EDDM13: variants seen among roughly 807,000 people sequenced by gnomAD.
EDDM13 encodes the protein epididymal protein 13.
Under a neutral mutation model 17.8 loss-of-function variants are expected in EDDM13, and 24 were observed. The ratio of observed to expected loss-of-function variants is 1.35; its 90% CI spans 0.98 to 1.90. The LOEUF (loss-of-function observed/expected upper bound fraction) is 1.90. EDDM13 is among the 40% of genes most tolerant of loss of function. The pLI is 0.00. For synonymous variants in EDDM13, 31 were observed against 37.5 expected (o/e 0.83, Z 0.63); for missense variants, 97 against 100.8 (o/e 0.96, Z 0.16).
intron 2 of EDDM13, among the ~76,000 whole-genome samples, chr19:56,281,231 G>A (rs2038673827): frequency 6.6e-6 from 1 of 152,148 alleles, no homozygotes; most frequent in Non-Finnish European, 1.5e-5. Flanking sequence ...AGGCTGACCA[G>A]AAGAAGGAAG....
chr19:56,274,870 T>G (rs921526642), intron 1 of EDDM13: 1 of 152,214 alleles, frequency 6.6e-6, no homozygotes, highest in African/African-American at 2.4e-5. Context: ...GTCCTTAGGA[T>G]GTGTGATTGA....
chr19:56,300,254 A>T lies in EDDM13; in HGVS notation c.296-1714A>T, dbSNP rs28715006. Among the ~76,000 whole-genome samples the T allele has an allele frequency of 7.2e-3, 1,098 of 152,326 alleles. 13 individuals carry two copies. Among genetic ancestry groups the T allele is most frequent in the African/African-American group, 0.025 (1,036 of 41,560 alleles). ...AAAAAAAAATTTCACCCTTTTATAT[A>T]GCCAAGCAGATACAACTTATTACAT... On this transcript the variant is annotated intron_variant, in intron 12 of 14. Coordinates refer to ENST00000649256, the MANE Select transcript of EDDM13 (RefSeq NM_001354658.2).
rs532732472 is a variant in EDDM13 at position 56,290,851 on chromosome 19, G to C, written c.232+5G>C. Among the ~76,000 whole-genome samples, 9 of 152,312 alleles carry C rather than the reference G, an allele frequency of 5.9e-5. No individual in the cohort carries two copies. Among genetic ancestry groups the C allele is most frequent in the Non-Finnish European group, 1.5e-5 (1 of 68,026 alleles). ...TGCTACTTCCTCCAGTAAAAAGTAAGTTATTTTTCCTTTCCTATGGGTCAC... is the reference window on the plus strand; with the variant it reads ...TGCTACTTCCTCCAGTAAAAAGTAACTTATTTTTCCTTTCCTATGGGTCAC... On this transcript the variant is annotated splice_donor_5th_base_variant and intron_variant, in intron 9 of 14. Coordinates refer to ENST00000649256, the MANE Select transcript of EDDM13 (RefSeq NM_001354658.2).
chr19:56,277,101 G>A (rs749361160), intron 2 of EDDM13, among the ~76,000 whole-genome samples: 18 of 152,164 alleles, frequency 1.2e-4, no homozygotes, highest in Non-Finnish European at 2.1e-4. Flanking sequence ...GTGGGAATGT[G>A]AAATGATACA....
intron 6 of EDDM13, among the ~76,000 whole-genome samples, chr19:56,288,178 G>C (rs2039265352): frequency 6.6e-6 from 1 of 152,166 alleles, no homozygotes; most frequent in African/African-American, 2.4e-5. Flanking sequence ...ACAGGGGTCT[G>C]CCTCACTGAG....
intron 9 of EDDM13, among the ~76,000 whole-genome samples, chr19:56,292,460 T>TC (rs1045326602): frequency 6.8e-6 from 1 of 146,866 alleles, no homozygotes; most frequent in African/African-American, 2.5e-5. Context: ...TGTTTTTACT[T>TC]TTTTTTTTTT....
intron 14 of EDDM13, among the ~76,000 whole-genome samples, 200 bp downstream of exon 14, chr19:56,305,030 T>C (rs555887564): frequency 2.0e-5 from 3 of 152,272 alleles, no homozygotes; most frequent in South Asian, 2.1e-4. Flanking sequence ...AGGAAACACA[T>C]TGTAAATGAC....
intron 9 of EDDM13, among the ~76,000 whole-genome samples, chr19:56,293,529 T>G (rs1165188073): frequency 6.6e-6 from 1 of 152,184 alleles, no homozygotes; most frequent in East Asian, 1.9e-4. Flanking sequence ...GAGTGTGCAC[T>G]GTGGGCGCCG....
chr19:56,295,411 T>C (rs1387398704), intron 9 of EDDM13, among the ~76,000 whole-genome samples: 1 of 151,986 alleles, frequency 6.6e-6, no homozygotes. Flanking sequence ...CTGGCCAACG[T>C]GGTGAAACCT....
At position 56,297,509 on chromosome 19, in the gene EDDM13, A is replaced by G. The variant is rs2039956466; in HGVS notation, c.273A>G (p.Glu91=). 2 of 984,766 alleles carry G rather than the reference A, an allele frequency of 2.0e-6. No individual in the cohort carries two copies. The highest frequency in any genetic ancestry group is 3.5e-5 in the African/African-American group (2 of 57,036). The allele number at this position is 984,766 out of a possible 1,614,324, so 61.0% of individuals were successfully genotyped here. Residue 91 remains glutamate, a synonymous_variant, in exon 12 of 15, where the codon GAA becomes GAG. Transcript: ENST00000649256. ...GLLSLQVLHE[E]TSGCKEEVKP... ...CCTCCATCTCTTCATTTTTAGAAGA[A>G]ACAAGTGGCTGCAAGGAGGAAGGTA...
intron 2 of EDDM13, among the ~76,000 whole-genome samples, chr19:56,280,917 T>G (rs905195464): frequency 6.6e-6 from 1 of 152,170 alleles, no homozygotes; most frequent in Non-Finnish European, 1.5e-5. Context: ...CATACACATT[T>G]GACCCTTGAA....
chr19:56,290,869 T>A (rs1820022033), intron 9 of EDDM13, among the ~76,000 whole-genome samples, 23 bp downstream of exon 9: 1 of 152,154 alleles, frequency 6.6e-6, no homozygotes, highest in Non-Finnish European at 1.5e-5. Flanking sequence ...TCCTTTCCTA[T>A]GGGTCACTTG....
Position 56,303,102 on chromosome 19 carries a change from A to C in EDDM13, c.423+1007A>C, listed in dbSNP as rs1209990726. On this transcript the variant is annotated intron_variant, in intron 13 of 14. Coordinates refer to ENST00000649256, the MANE Select transcript of EDDM13 (RefSeq NM_001354658.2). ...GTTAAGGACAGAATGGAATTAGCCA[A>C]TTGAGGAGGGGAAGCAGGGGAAGCA... The C allele has an allele frequency of 1.6e-5, 6 of 383,128 alleles. No individual in the cohort carries two copies. In the South Asian group the frequency reaches 7.3e-4, roughly 46 times the overall value. The allele number at this position is 383,128 out of a possible 1,614,324, so 23.7% of individuals were successfully genotyped here. A position where few individuals can be genotyped will look rare whatever the true frequency, so the allele number is the denominator to read the frequency against.
chr19:56,276,477 G>GA (rs1450347893), intron 2 of EDDM13, among the ~76,000 whole-genome samples: 2 of 147,112 alleles, frequency 1.4e-5, no homozygotes, highest in Non-Finnish European at 3.0e-5. Flanking sequence ...CTGAACACGC[G>GA]AAAAAAATTA....
intron 4 of EDDM13, chr19:56,282,909 T>C (rs189133876): frequency 1.3e-5 from 2 of 152,336 alleles, no homozygotes; most frequent in Admixed American, 1.3e-4. Flanking sequence ...GAGATAGCAA[T>C]CTGGAACAAG....
intron 2 of EDDM13, chr19:56,280,749 A>T (rs915524775): frequency 6.6e-6 from 1 of 152,226 alleles, no homozygotes; most frequent in African/African-American, 2.4e-5. Flanking sequence ...CAGAGAGCTC[A>T]GAGCTTCAAG....
chr19:56,298,554 G>A (rs1414658146), intron 12 of EDDM13, among the ~76,000 whole-genome samples: 4 of 151,828 alleles, frequency 2.6e-5, no homozygotes, highest in Non-Finnish European at 5.9e-5. Context: ...TCGGGAGGCT[G>A]AGGCAGGAGA....
intron 7 of EDDM13, among the ~76,000 whole-genome samples, 23 bp from the exon 8 acceptor site, chr19:56,288,851 G>A (rs559542996): frequency 6.6e-6 from 1 of 152,220 alleles, no homozygotes; most frequent in African/African-American, 2.4e-5. Flanking sequence ...TGCAACCTGG[G>A]CTGCCTACAT....
intron 8 of EDDM13, among the ~76,000 whole-genome samples, chr19:56,290,484 A>C (rs2039439411): frequency 6.6e-6 from 1 of 152,164 alleles, no homozygotes; most frequent in South Asian, 2.1e-4. Context: ...GTTTAAAATT[A>C]GGGCCTAGGA....
Sources: allele counts gnomAD v4.1 joint callset (sites outside exome capture counted in the v4.1 genomes callset), GRCh38; gene constraint gnomAD v4.1.1; transcripts MANE v1.5; gene names NCBI Gene and HGNC (gene_info 2026-07-23, HGNC 2026-07-21).